The following GLT1D1 variants were observed in gnomAD, a reference collection of about 807,000 sequenced individuals.
The protein encoded by GLT1D1 is glycosyltransferase 1 domain containing 1, also known as glycosyltransferase 1 domain-containing protein 1.
In GLT1D1, 21 loss-of-function variants were observed where a neutral mutation model predicts 28.7. That is an observed-to-expected ratio of 0.73 (90% confidence interval 0.52 to 1.05). The LOEUF is 1.05. Ranked by LOEUF, GLT1D1 falls within the 50% of genes least tolerant of loss-of-function variation. The pLI is 0.00. For missense variants in GLT1D1, 343 were observed against 330.6 expected, an observed-to-expected ratio of 1.04 and a Z score of -0.29; for synonymous variants, 147 against 124.8, an observed-to-expected ratio of 1.18 and a Z score of -1.19.
chr12:128,926,504 C>T (rs904287049), intron 4 of GLT1D1, 50 bp downstream of exon 7: 11 of 963,206 alleles, frequency 1.1e-5, no homozygotes, highest in Non-Finnish European at 1.4e-5. Context: ...TCCTTGTGGG[C>T]GCCCATCTCA....
At chr12:128,925,489 T>C (rs1175583457) in intron 4 of GLT1D1, among the ~76,000 whole-genome samples, 1 of 152,228 alleles carries the variant, frequency 6.6e-6, no homozygotes, top group Non-Finnish European at 1.5e-5. Flanking sequence ...CCCAACTCTA[T>C]CCATGTCCCT....
At chr12:128,878,300 G>A (rs1239223925) in intron 2 of GLT1D1, among the ~76,000 whole-genome samples, 1 of 152,104 alleles carries the variant, frequency 6.6e-6, no homozygotes, top group African/African-American at 2.4e-5. Flanking sequence ...CACACATCTG[G>A]GAACTTTCTC....
intron 7 of GLT1D1, among the ~76,000 whole-genome samples, chr12:128,958,995 G>A (rs569450696): frequency 4.6e-5 from 7 of 151,256 alleles, no homozygotes; most frequent in South Asian, 2.1e-4. Context: ...GCACCACCAC[G>A]CCTGGCTAAT....
intron 3 of GLT1D1, among the ~76,000 whole-genome samples, chr12:128,890,923 C>T (rs551871468): frequency 1.4e-4 from 21 of 152,126 alleles, no homozygotes; most frequent in Middle Eastern, 3.4e-3. Flanking sequence ...TGCTTGAACT[C>T]GGGAGGCAGA....
chr12:128,887,207 G>T (rs1160503502), intron 2 of GLT1D1, among the ~76,000 whole-genome samples: 1 of 151,926 alleles, frequency 6.6e-6, no homozygotes, highest in Admixed American at 6.6e-5. Context: ...AATAGAGACA[G>T]AATTTTGCCG....
intron 4 of GLT1D1, among the ~76,000 whole-genome samples, chr12:128,937,975 A>G (rs1397590292): frequency 6.6e-6 from 1 of 152,196 alleles, no homozygotes; most frequent in Non-Finnish European, 1.5e-5. Context: ...GTTGGGGTAT[A>G]GTGGATAAAT....
chr12:128,947,515 C>T (rs1876254541), intron 6 of GLT1D1, 57 bp downstream of exon 10: 2 of 1,595,610 alleles, frequency 1.3e-6, no homozygotes, highest in Non-Finnish European at 1.7e-6. Flanking sequence ...ATCACTCCTT[C>T]TCCTATTTAC....
At position 128,899,301 on chromosome 12, in the gene GLT1D1, T is replaced by C. The variant is rs751259408; in HGVS notation, c.375+14T>C. On this transcript the variant is annotated intron_variant, in intron 4 of 7. Coordinates refer to ENST00000281703, the MANE Select transcript of GLT1D1 (RefSeq NM_144669.3). Reference sequence around the variant, plus strand: ...CAAGCGCAGTGGGTATGTGTTTATCTGGTGTTGTTATTTTGGTTGTGCTGA... The same window carrying C: ...CAAGCGCAGTGGGTATGTGTTTATCCGGTGTTGTTATTTTGGTTGTGCTGA... 6.8e-5 allele frequency: 109 copies of C among 1,609,408 alleles called. No homozygotes were observed. Among genetic ancestry groups the C allele is most frequent in the Non-Finnish European group, 8.7e-5 (102 of 1,176,238 alleles).
intron 4 of GLT1D1, 139 bp from the exon 8 acceptor site, chr12:128,926,966 T>A: frequency 3.7e-6 from 2 of 547,574 alleles, no homozygotes; most frequent in Non-Finnish European, 6.5e-6. Context: ...ATAATTTAAA[T>A]TGCCTAATAT....
intron 4 of GLT1D1, among the ~76,000 whole-genome samples, chr12:128,942,649 T>G (rs1374659273): frequency 2.6e-5 from 4 of 152,028 alleles, no homozygotes; most frequent in Non-Finnish European, 5.9e-5. Flanking sequence ...CCTCTCCTAC[T>G]GCCCCACTTC....
At chr12:128,968,390 G>C (rs1035157222) in intron 7 of GLT1D1, among the ~76,000 whole-genome samples, 12 of 151,794 alleles carry the variant, frequency 7.9e-5, no homozygotes, top group Admixed American at 2.6e-4. Flanking sequence ...AGGACACCAG[G>C]CTGGGCACAG....
intron 4 of GLT1D1, among the ~76,000 whole-genome samples, chr12:128,908,685 C>G (rs906712876): frequency 5.9e-5 from 9 of 151,894 alleles, no homozygotes; most frequent in African/African-American, 1.9e-4. Context: ...CGCGGTGGCT[C>G]ACGCCTGTAA....
chr12:128,950,232 A>G (rs1289582982), intron 6 of GLT1D1, among the ~76,000 whole-genome samples: 1 of 152,168 alleles, frequency 6.6e-6, no homozygotes, highest in East Asian at 1.9e-4. Context: ...GCCAGAATAT[A>G]GCTAATTCTG....
At chr12:128,903,538 CTCTA>C (rs1870527330) in intron 4 of GLT1D1, among the ~76,000 whole-genome samples, 1 of 151,582 alleles carries the variant, frequency 6.6e-6, no homozygotes, top group Admixed American at 6.6e-5. Flanking sequence ...TCATGCTTGT[CTCTA>C]ATGAGTATAA....
intron 4 of GLT1D1, among the ~76,000 whole-genome samples, chr12:128,899,935 C>T (rs1483170830): frequency 6.6e-6 from 1 of 152,150 alleles, no homozygotes; most frequent in Non-Finnish European, 1.5e-5. Flanking sequence ...ATGAGAGTAA[C>T]AATCTCTTAG....
chr12:128,974,532 G>A (rs1056117969), intron 7 of GLT1D1, among the ~76,000 whole-genome samples: 5 of 152,178 alleles, frequency 3.3e-5, no homozygotes, highest in African/African-American at 9.7e-5. Context: ...CTGTGCAAAC[G>A]CCAGAAGGGA....
intron 4 of GLT1D1, among the ~76,000 whole-genome samples, chr12:128,902,069 A>T (rs1264287293): frequency 1.3e-5 from 2 of 151,764 alleles, no homozygotes; most frequent in Non-Finnish European, 2.9e-5. Flanking sequence ...CATTTGAAAG[A>T]TCTTCATGAC....
chr12:128,901,773 G>A (rs764154674), intron 4 of GLT1D1, among the ~76,000 whole-genome samples: 6 of 150,086 alleles, frequency 4.0e-5, no homozygotes, highest in Non-Finnish European at 8.9e-5. Context: ...TTTGAGACGG[G>A]CTCTCATTCT....
intron 1 of GLT1D1, among the ~76,000 whole-genome samples, chr12:128,854,722 C>G (rs1372809498): frequency 6.6e-6 from 1 of 152,064 alleles, no homozygotes; most frequent in African/African-American, 2.4e-5. Flanking sequence ...GTCTCGAACT[C>G]CTGCCCTCAG....
Sources: gnomAD v4.1 joint callset for allele counts (sites outside exome capture counted in the v4.1 genomes callset) on GRCh38, gnomAD v4.1.1 for gene constraint, MANE v1.5 for transcripts, NCBI Gene and HGNC (gene_info 2026-07-23, HGNC 2026-07-21) for gene names.